Variants in PKHD1 observed in about 807,000 individuals in gnomAD.
PKHD1 encodes PKHD1 ciliary IPT domain containing fibrocystin/polyductin.
In PKHD1, 291 loss-of-function variants were observed where a neutral mutation model predicts 412.0. The ratio of observed to expected loss-of-function variants is 0.71; its 90% CI spans 0.64 to 0.78. The LOEUF (loss-of-function observed/expected upper bound fraction) is 0.78, where lower values mean the gene tolerates loss of function less well. Ranked by LOEUF, PKHD1 falls within the 30% of genes least tolerant of loss-of-function variation. PKHD1 has a pLI of 0.00. For synonymous variants in PKHD1, 1,777 were observed against 1,821.5 expected, an observed-to-expected ratio of 0.98 and a Z score of 0.62; for missense variants, 4,825 against 4,950.7, an observed-to-expected ratio of 0.97 and a Z score of 0.76.
At chr6:51,869,335 C>T (rs372244399) in intron 47 of PKHD1, among the ~76,000 whole-genome samples, 2 of 152,140 alleles carry the variant, frequency 1.3e-5, no homozygotes, top group Non-Finnish European at 2.9e-5. Context: ...CAAGAATAAC[C>T]TCTATGAGCT....
chr6:51,763,082 C>T (rs966709), intron 55 of PKHD1, among the ~76,000 whole-genome samples: 48,625 of 151,852 alleles, frequency 0.32, 9,664 homozygotes, highest in East Asian at 0.7. Flanking sequence ...TACTAAGAAA[C>T]TTTGTTTTTA....
intron 63 of PKHD1, among the ~76,000 whole-genome samples, chr6:51,647,767 C>T (rs1770303006): frequency 6.6e-6 from 1 of 152,010 alleles, no homozygotes; most frequent in Non-Finnish European, 1.5e-5. Flanking sequence ...CCTTACACTA[C>T]CTTAAGGATA....
At chr6:51,652,165 A>T (rs531301358) in intron 61 of PKHD1, among the ~76,000 whole-genome samples, 102 of 152,202 alleles carry the variant, frequency 6.7e-4, no homozygotes, top group Middle Eastern at 6.8e-3. Flanking sequence ...ATAGCTTCCA[A>T]TACCCAGTTA....
rs115489603 is a variant in PKHD1, at chr6:51,917,397, T to C, written c.6122-4821A>G. Among the ~76,000 whole-genome samples, 508 of 152,208 alleles carry C rather than the reference T, an allele frequency of 3.3e-3. 6 individuals are homozygous for C. The highest frequency in any genetic ancestry group is 0.012 in the African/African-American group (483 of 41,540). ...ATGCTGTCTTGTATGTGGATGAACA[T>C]TTGTCACGCACTAGGAAGACAAACA... is the stretch of plus-strand genomic sequence containing the variant. On this transcript the variant is annotated intron_variant, in intron 37 of 66. Coordinates refer to ENST00000371117, the MANE Select transcript of PKHD1 (RefSeq NM_138694.4).
At chr6:51,998,178 T>TC (rs1797919210) in intron 35 of PKHD1, among the ~76,000 whole-genome samples, 1 of 152,244 alleles carries the variant, frequency 6.6e-6, no homozygotes, top group South Asian at 2.1e-4. Flanking sequence ...CCCCCATATG[T>TC]TGAGGACGTA....
intron 36 of PKHD1, among the ~76,000 whole-genome samples, chr6:51,955,805 T>A (rs1791036485): frequency 6.6e-6 from 1 of 152,092 alleles, no homozygotes; most frequent in African/African-American, 2.4e-5. Context: ...GTTAAAATCT[T>A]TTGAAGAAAT....
chr6:52,063,993 T>C (rs1809102462), intron 13 of PKHD1, among the ~76,000 whole-genome samples: 1 of 152,244 alleles, frequency 6.6e-6, no homozygotes, highest in African/African-American at 2.4e-5. Context: ...ACACATTATC[T>C]TGATTACTTG....
chr6:51,997,495 T>A (rs1361406374), intron 35 of PKHD1, among the ~76,000 whole-genome samples: 1 of 152,234 alleles, frequency 6.6e-6, no homozygotes, highest in East Asian at 1.9e-4. Flanking sequence ...AAGCTATCTA[T>A]AAACAGATTA....
intron 35 of PKHD1, among the ~76,000 whole-genome samples, chr6:51,989,122 C>T (rs1796560458): frequency 6.6e-6 from 1 of 152,226 alleles, no homozygotes; most frequent in Non-Finnish European, 1.5e-5. Context: ...GAATCCACTC[C>T]AGTCTCCAGG....
At chr6:51,739,965 T>G (rs1257686146) in intron 60 of PKHD1, 1 of 518,900 alleles carries the variant, frequency 1.9e-6, no homozygotes, top group Non-Finnish European at 3.8e-6. Flanking sequence ...ATGGAAAGCT[T>G]TGGTATCTGC....
chr6:51,741,144 G>A (rs1784499457), intron 60 of PKHD1: 1 of 518,932 alleles, frequency 1.9e-6, no homozygotes, highest in Non-Finnish European at 3.8e-6. Context: ...CCAGCAGCAA[G>A]AACATATTTG....
chr6:51,864,873 A>G (rs1371626326), intron 48 of PKHD1, among the ~76,000 whole-genome samples: 1 of 152,136 alleles, frequency 6.6e-6, no homozygotes. Context: ...GAGATCTAAA[A>G]AGAGCACACA....
rs183559359 is a variant in PKHD1 at position 51,928,979 on chromosome 6, A to G, written c.6121+5131T>C. On this transcript the variant is annotated intron_variant, in intron 37 of 66. Coordinates refer to ENST00000371117, the MANE Select transcript of PKHD1 (RefSeq NM_138694.4). ...AACAATTTCAGAGTAATAAAGCTAC[A>G]TATAAAAATGCCATGTCATAGCTCT... is the stretch of plus-strand genomic sequence containing the variant. 6.9e-4 allele frequency among the ~76,000 whole-genome samples: 105 copies of G among 152,320 alleles called. 2 individuals carry two copies. In the East Asian group the frequency reaches 0.018, roughly 26 times the overall value.
chr6:51,747,606 T>C (rs1408726142), intron 58 of PKHD1, among the ~76,000 whole-genome samples, 181 bp downstream of exon 58: 1 of 152,182 alleles, frequency 6.6e-6, no homozygotes, highest in Non-Finnish European at 1.5e-5. Flanking sequence ...TCAATATGTA[T>C]AAAGCAGTGA....
intron 49 of PKHD1, among the ~76,000 whole-genome samples, chr6:51,852,734 T>G (rs1474692617): frequency 2.7e-5 from 2 of 73,940 alleles, no homozygotes; most frequent in African/African-American, 9.8e-5. Context: ...CAAACCCTGT[T>G]TTTTTTTTTT....
chr6:51,965,004 T>C (rs1024211144), intron 35 of PKHD1, among the ~76,000 whole-genome samples: 3 of 152,260 alleles, frequency 2.0e-5, no homozygotes, highest in Admixed American at 2.0e-4. Context: ...ATTGTCTTCA[T>C]ACCATTCATT....
At chr6:51,967,735 C>G (rs1793040041) in intron 35 of PKHD1, among the ~76,000 whole-genome samples, 1 of 151,656 alleles carries the variant, frequency 6.6e-6, no homozygotes, top group Non-Finnish European at 1.5e-5. Context: ...ACACACAGAG[C>G]CAGATCAGAA....
chr6:52,048,692 T>A, intron 22 of PKHD1, 73 bp from the exon 23 acceptor site: 2 of 1,574,082 alleles, frequency 1.3e-6, no homozygotes, highest in Non-Finnish European at 1.7e-6. Flanking sequence ...GTCTGAAGGA[T>A]GTCCTGTCTT....
intron 35 of PKHD1, among the ~76,000 whole-genome samples, chr6:51,966,694 T>C (rs143329422): frequency 6.6e-6 from 1 of 152,260 alleles, no homozygotes; most frequent in East Asian, 1.9e-4. Flanking sequence ...CAACAAATGT[T>C]TATTGAGCAC....
Sources: gnomAD v4.1 joint callset for allele counts (sites outside exome capture counted in the v4.1 genomes callset) on GRCh38, gnomAD v4.1.1 for gene constraint, MANE v1.5 for transcripts, NCBI Gene and HGNC (gene_info 2026-07-23, HGNC 2026-07-21) for gene names.